PCDH15: variants seen among roughly 807,000 people sequenced by gnomAD.
The protein encoded by PCDH15 is protocadherin-15.
PCDH15 carries 129 observed loss-of-function variants against 178.5 expected under a neutral mutation model. That is an observed-to-expected ratio of 0.72 (90% CI 0.63 to 0.84). The LOEUF (loss-of-function observed/expected upper bound fraction) is 0.84. Ranked by LOEUF, PCDH15 falls within the 40% of genes least tolerant of loss-of-function variation. The pLI is 0.00. For missense variants in PCDH15, 2,230 were observed against 2,099.9 expected, an observed-to-expected ratio of 1.06 and a Z score of -1.21; for synonymous variants, 800 against 732.0, an observed-to-expected ratio of 1.09 and a Z score of -1.50.
chr10:55,607,003 C>T (rs1049745160), intron 2 of PCDH15, among the ~76,000 whole-genome samples: 35 of 151,640 alleles, frequency 2.3e-4, no homozygotes, highest in African/African-American at 6.8e-4. Flanking sequence ...ACTCATCTGA[C>T]GAAGGGCTAA....
chr10:53,944,715 A>C (rs2086379291), intron 23 of PCDH15, among the ~76,000 whole-genome samples: 3 of 152,358 alleles, frequency 2.0e-5, no homozygotes, highest in South Asian at 2.1e-4. Flanking sequence ...TTACTGATGT[A>C]GCTTGAGATA....
At chr10:55,129,397 T>C (rs1159908325) in intron 2 of PCDH15, among the ~76,000 whole-genome samples, 2 of 152,144 alleles carry the variant, frequency 1.3e-5, no homozygotes, top group Non-Finnish European at 2.9e-5. Flanking sequence ...GAACTTTCTA[T>C]GGCAATTTCT....
At chr10:55,612,336 G>T (rs1489749365) in intron 2 of PCDH15, among the ~76,000 whole-genome samples, 1 of 151,924 alleles carries the variant, frequency 6.6e-6, no homozygotes, top group Non-Finnish European at 1.5e-5. Flanking sequence ...ATGGAGCTGA[G>T]CCAAGAATCC....
At chr10:55,501,306 CT>C (rs904259849) in intron 2 of PCDH15, among the ~76,000 whole-genome samples, 9 of 151,820 alleles carry the variant, frequency 5.9e-5, no homozygotes, top group Non-Finnish European at 1.0e-4. Context: ...GCCTCCAGAA[CT>C]GTGAGAGATT....
intron 37 of PCDH15, chr10:53,808,241 A>T (rs2132361971): frequency 4.5e-6 from 1 of 220,256 alleles, no homozygotes; most frequent in Non-Finnish European, 7.7e-6. Flanking sequence ...TATATGCAAA[A>T]GTAGACGACT....
intron 2 of PCDH15, among the ~76,000 whole-genome samples, chr10:55,601,661 A>C (rs1197431188): frequency 6.6e-6 from 1 of 152,182 alleles, no homozygotes; most frequent in Non-Finnish European, 1.5e-5. Flanking sequence ...AAAAAATAGA[A>C]AGCTGTTAAA....
intron 28 of PCDH15, among the ~76,000 whole-genome samples, chr10:53,855,899 GAT>G (rs1324732057): frequency 3.9e-5 from 3 of 77,840 alleles, no homozygotes; most frequent in African/African-American, 2.2e-4. Context: ...AAAAAAAGGT[GAT>G]ATGTATATAT....
At chr10:54,695,412 T>C (rs774873433) in intron 1 of PCDH15, among the ~76,000 whole-genome samples, 23 of 152,178 alleles carry the variant, frequency 1.5e-4, no homozygotes, top group Admixed American at 5.2e-4. Context: ...GTTTATAACA[T>C]TTAATGAAAG....
At chr10:55,057,362 T>C (rs949391399) in intron 2 of PCDH15, among the ~76,000 whole-genome samples, 5 of 152,344 alleles carry the variant, frequency 3.3e-5, no homozygotes, top group Middle Eastern at 3.4e-3. Context: ...GATGCTTTTC[T>C]TCCTGTAATA....
intron 1 of PCDH15, among the ~76,000 whole-genome samples, chr10:55,194,209 CT>C (rs1840022709): frequency 6.6e-6 from 1 of 151,952 alleles, no homozygotes; most frequent in Admixed American, 6.6e-5. Context: ...GATTCATTGT[CT>C]TTCTTTCTTT....
chr10:54,829,739 C>A (rs1219508729), intron 3 of PCDH15, among the ~76,000 whole-genome samples: 1 of 152,000 alleles, frequency 6.6e-6, no homozygotes, highest in African/African-American at 2.4e-5. Flanking sequence ...TATGGACCAC[C>A]TGGACAGTTG....
chr10:54,951,730 A>G (rs1261125454), intron 2 of PCDH15, among the ~76,000 whole-genome samples: 1 of 151,816 alleles, frequency 6.6e-6, no homozygotes, highest in East Asian at 1.9e-4. Flanking sequence ...ATTTGGTATT[A>G]TCTTTTGAAT....
intron 1 of PCDH15, among the ~76,000 whole-genome samples, chr10:55,255,896 G>A (rs1841983108): frequency 1.3e-5 from 2 of 151,978 alleles, no homozygotes; most frequent in African/African-American, 4.8e-5. Context: ...CCATTCTTTA[G>A]GTTGCCTGTT....
intron 14 of PCDH15, among the ~76,000 whole-genome samples, chr10:54,140,246 A>G (rs1159772057): frequency 6.6e-6 from 1 of 152,214 alleles, no homozygotes; most frequent in African/African-American, 2.4e-5. Flanking sequence ...ACATGGAGCC[A>G]AATTTCATAG....
At chr10:55,198,572 C>T (rs1015050977) in intron 1 of PCDH15, among the ~76,000 whole-genome samples, 3 of 152,036 alleles carry the variant, frequency 2.0e-5, no homozygotes, top group Admixed American at 1.3e-4. Context: ...CTGCAAGCTC[C>T]GCCTCCTGGG....
chr10:54,999,679 C>A (rs1378911139), intron 2 of PCDH15, among the ~76,000 whole-genome samples: 2 of 152,130 alleles, frequency 1.3e-5, no homozygotes, highest in Non-Finnish European at 2.9e-5. Flanking sequence ...GGGCAGGACG[C>A]CACAGTACTG....
At chr10:54,428,317 C>T (rs1430061478) in intron 3 of PCDH15, among the ~76,000 whole-genome samples, 6 of 152,178 alleles carry the variant, frequency 3.9e-5, no homozygotes, top group East Asian at 1.9e-4. Flanking sequence ...GAAAGATGCC[C>T]AGTAGGACTG....
chr10:54,491,057 G>A (rs992985971), intron 3 of PCDH15, among the ~76,000 whole-genome samples: 3 of 152,220 alleles, frequency 2.0e-5, no homozygotes, highest in South Asian at 2.1e-4. Flanking sequence ...ATGCACTAAC[G>A]TATAAGGGAA....
At chr10:54,454,357 T>C (rs2076679256) in intron 3 of PCDH15, among the ~76,000 whole-genome samples, 1 of 149,442 alleles carries the variant, frequency 6.7e-6, no homozygotes, top group Non-Finnish European at 1.5e-5. Flanking sequence ...GGCAATTAAA[T>C]CAAAGCCTTT....
Sources: gnomAD v4.1 joint callset for allele counts (sites outside exome capture counted in the v4.1 genomes callset) on GRCh38, gnomAD v4.1.1 for gene constraint, MANE v1.5 for transcripts, NCBI Gene and HGNC (gene_info 2026-07-23, HGNC 2026-07-21) for gene names.